DPYSL2: variants seen among roughly 807,000 people sequenced by gnomAD.
The protein encoded by DPYSL2 is dihydropyrimidinase-related protein 2.
A neutral mutation model predicts 69.9 loss-of-function variants in DPYSL2; 13 were observed. That is an observed-to-expected ratio of 0.19 (90% CI 0.12 to 0.30). DPYSL2 has a LOEUF of 0.30. Among genes scored for constraint, DPYSL2 ranks in the 10% least tolerant of loss-of-function variants. DPYSL2 has a pLI of 1.00. For missense variants in DPYSL2, 587 were observed against 918.9 expected (o/e 0.64, Z 4.67); for synonymous variants, 326 against 359.1 (o/e 0.91, Z 1.04).
In DPYSL2 at chr8:26,627,164, A is replaced by G; in HGVS notation, c.856-51A>G. On this transcript the variant is annotated intron_variant, in intron 5 of 13. Transcript: ENST00000521913. This position sits in a 1 kb window ranked among gnomAD's most constrained non-coding sequence, Gnocchi z 6.9. ...GGTGGGGAGATGATTGTCTTTGTGA[A>G]CAGGAAGATGGAAGTCCCTGTCTCT... 1 of 1,546,328 alleles carries G rather than the reference A, an allele frequency of 6.5e-7. No individual in the cohort carries two copies.
In DPYSL2 at chr8:26,641,732, G is replaced by A. The variant is rs1439093658; in HGVS notation, c.1127-1707G>A. Reference sequence around the variant, plus strand: ...TCCTTGGGGCTTCCTTCTGGAGGAGGTTTCCCTGGGTTTGGAGTCCTCCCT... The same window carrying A: ...TCCTTGGGGCTTCCTTCTGGAGGAGATTTCCCTGGGTTTGGAGTCCTCCCT... On this transcript the variant is annotated intron_variant, in intron 8 of 13. Coordinates refer to ENST00000521913, the MANE Select transcript of DPYSL2 (RefSeq NM_001197293.3). This position sits in a 1 kb window ranked among gnomAD's most constrained non-coding sequence, Gnocchi z 4.1. Among the ~76,000 whole-genome samples the A allele has an allele frequency of 6.6e-6, 1 of 152,206 alleles. No homozygotes were observed. The highest frequency in any genetic ancestry group is 1.5e-5 in the Non-Finnish European group (1 of 68,044).
intron 7 of DPYSL2, among the ~76,000 whole-genome samples, chr8:26,630,222 G>A (rs541377230): frequency 2.6e-5 from 4 of 152,176 alleles, no homozygotes; most frequent in East Asian, 3.9e-4. Context: ...TGCAGACACC[G>A]CAAGGGTTCG....
At chr8:26,519,836 G>A (rs1480509474) in intron 1 of DPYSL2, among the ~76,000 whole-genome samples, 1 of 152,160 alleles carries the variant, frequency 6.6e-6, no homozygotes, top group Admixed American at 6.5e-5. Context: ...TGTAGGTCAT[G>A]TGCTAAATGC....
At chr8:26,595,238 G>A (rs904657012) in intron 3 of DPYSL2, among the ~76,000 whole-genome samples, 3 of 151,774 alleles carry the variant, frequency 2.0e-5, no homozygotes, top group South Asian at 4.2e-4. Context: ...AAGGTATAAT[G>A]TAGCTTATAG....
intron 1 of DPYSL2, among the ~76,000 whole-genome samples, chr8:26,551,510 T>C (rs1003233433): frequency 6.6e-6 from 1 of 152,178 alleles, no homozygotes; most frequent in Non-Finnish European, 1.5e-5. Context: ...CACCCCTCTG[T>C]CAGTAACTGA....
intron 3 of DPYSL2, among the ~76,000 whole-genome samples, chr8:26,616,702 G>A (rs780159327): frequency 1.2e-4 from 18 of 152,208 alleles, no homozygotes; most frequent in South Asian, 2.1e-4. Flanking sequence ...TACCCGAGGC[G>A]GGGTCGGAGG....
At position 26,516,092 on chromosome 8, in the gene DPYSL2, C is replaced by T. The variant is rs970556255; in HGVS notation, c.354+1413C>T. Among the ~76,000 whole-genome samples, 1 of 152,220 alleles carries T rather than the reference C, an allele frequency of 6.6e-6. No individual in the cohort carries two copies. Among genetic ancestry groups the T allele is most frequent in the Non-Finnish European group, 1.5e-5 (1 of 68,036 alleles). On this transcript the variant is annotated intron_variant, in intron 1 of 13. Coordinates refer to ENST00000521913, the MANE Select transcript of DPYSL2 (RefSeq NM_001197293.3). The surrounding 1 kb of genome is among the most constrained non-coding windows in gnomAD (Gnocchi z 4.8). ...AAGTCTAGGAAAAACAAGGCATTTG[C>T]TGTCATTTGTAAAAGGTGACACAAC...
chr8:26,598,934 C>T lies in DPYSL2; in HGVS notation c.628+14951C>T, dbSNP rs1801928784. Among the ~76,000 whole-genome samples, 1 of 152,230 alleles carries T rather than the reference C, an allele frequency of 6.6e-6. No homozygotes were observed. Among genetic ancestry groups the T allele is most frequent in the African/African-American group, 2.4e-5 (1 of 41,462 alleles). Reference sequence around the variant, plus strand: ...TGCGTATTCTTAGCTGCGCAAGTGTCGTGCATGTGCGTTTGGCTCACACCC... The same window carrying T: ...TGCGTATTCTTAGCTGCGCAAGTGTTGTGCATGTGCGTTTGGCTCACACCC... On this transcript the variant is annotated intron_variant, in intron 3 of 13. Transcript: ENST00000521913. This position sits in a 1 kb window ranked among gnomAD's most constrained non-coding sequence, Gnocchi z 4.2.
At chr8:26,545,257 T>C (rs1800747456) in intron 1 of DPYSL2, among the ~76,000 whole-genome samples, 1 of 152,302 alleles carries the variant, frequency 6.6e-6, no homozygotes, top group South Asian at 2.1e-4. Flanking sequence ...GATCACATAT[T>C]AGGCCACAAA....
At chr8:26,631,407 C>G (rs1371350520) in intron 7 of DPYSL2, among the ~76,000 whole-genome samples, 2 of 152,150 alleles carry the variant, frequency 1.3e-5, no homozygotes, top group Non-Finnish European at 2.9e-5. Context: ...TGAGAACTCA[C>G]TCATTATCAC....
chr8:26,556,987 TC>T (rs1800998546), intron 1 of DPYSL2, among the ~76,000 whole-genome samples: 1 of 152,120 alleles, frequency 6.6e-6, no homozygotes, highest in Non-Finnish European at 1.5e-5. Flanking sequence ...TACAGCCTTT[TC>T]AACAAATGAT....
chr8:26,645,020 AT>A (rs1396934126), intron 10 of DPYSL2, among the ~76,000 whole-genome samples: 1 of 152,194 alleles, frequency 6.6e-6, no homozygotes, highest in Admixed American at 6.5e-5. Flanking sequence ...CACAATTAAC[AT>A]TTTGGCAAAT....
In DPYSL2 at chr8:26,562,592, A is replaced by C. The variant is rs1045749542; in HGVS notation, c.355-19377A>C. ...CGTTTTAAAGACAGAATAAAATCCG[A>C]ATCTGTTTCCATGGCCCACAGTCCT... On this transcript the variant is annotated intron_variant, in intron 1 of 13. Transcript: ENST00000521913. This position sits in a 1 kb window ranked among gnomAD's most constrained non-coding sequence, Gnocchi z 4.9. 3.3e-5 allele frequency among the ~76,000 whole-genome samples: 5 copies of C among 152,176 alleles called. No individual in the cohort carries two copies. The highest frequency in any genetic ancestry group is 7.3e-5 in the Non-Finnish European group (5 of 68,030).
At position 26,514,647 on chromosome 8, in the gene DPYSL2, G is replaced by A; in HGVS notation, c.322G>A (p.Gly108Ser). ...GRKVEIRRAS[G>S]KEALQNINDQ... ...GAAGGTGGAGATCCGGAGGGCCTCG[G>A]GCAAAGAAGCCCTGCAGAACATCAA... Residue 108 changes from glycine (G) to serine (S), a missense_variant, in exon 1 of 14, where the codon GGC (glycine) becomes AGC (serine). Physicochemically the swap from Gly to Ser is moderately conservative, Grantham distance 56 (BLOSUM62 0). Around this residue, in one of 3 missense-constraint regions of DPYSL2, gnomAD observed 85 missense variants for 77.7 expected, o/e 1.09. Coordinates refer to ENST00000521913, the MANE Select transcript of DPYSL2 (RefSeq NM_001197293.3). The surrounding 1 kb of genome is among the most constrained non-coding windows in gnomAD (Gnocchi z 8.4). 6.9e-7 allele frequency: 1 copy of A among 1,457,288 alleles called. No individual in the cohort carries two copies. Among genetic ancestry groups the A allele is most frequent in the Non-Finnish European group, 9.0e-7 (1 of 1,109,506 alleles). 90.3% of individuals were successfully genotyped at this position (1,457,288 alleles called of 1,614,324 possible).
In DPYSL2 at chr8:26,586,227, G is replaced by A. The variant is rs182913076; in HGVS notation, c.628+2244G>A. 1.4e-4 allele frequency among the ~76,000 whole-genome samples: 21 copies of A among 152,302 alleles called. No homozygotes were observed. The highest frequency in any genetic ancestry group is 1.9e-4 in the East Asian group (1 of 5,188). On this transcript the variant is annotated intron_variant, in intron 3 of 13. Transcript: ENST00000521913. The surrounding 1 kb of genome is among the most constrained non-coding windows in gnomAD (Gnocchi z 4.7). ...GGCCCCCTTCTGACACTGACTTGCC[G>A]TGTGACCTTGAGTCACTACCCTACT... is the stretch of plus-strand genomic sequence containing the variant.
chr8:26,636,900 C>T (rs942008454), intron 8 of DPYSL2, among the ~76,000 whole-genome samples: 1 of 152,144 alleles, frequency 6.6e-6, no homozygotes, highest in Non-Finnish European at 1.5e-5. Flanking sequence ...CCCCATCACA[C>T]CCATCTAATT....
In DPYSL2 at chr8:26,621,256, T is replaced by C. The variant is rs563035624; in HGVS notation, c.629-2887T>C. On this transcript the variant is annotated intron_variant, in intron 3 of 13. Transcript: ENST00000521913. This position sits in a 1 kb window ranked among gnomAD's most constrained non-coding sequence, Gnocchi z 4.9. The stretch of plus-strand genomic sequence containing the variant: ...TGGTAATGGGATTATTAACTTTCCC[T>C]AAAATTTTCTGTATTTTTGAAATTT... Among the ~76,000 whole-genome samples, 8 of 152,348 alleles carry C rather than the reference T, an allele frequency of 5.3e-5. No individual in the cohort carries two copies. Among genetic ancestry groups the C allele is most frequent in the Admixed American group, 5.2e-4 (8 of 15,304 alleles).
rs1437889213 is a variant in DPYSL2, at chr8:26,617,494, CAACAAAAGAAAAAG to C, written c.629-6648_629-6635del. Among the ~76,000 whole-genome samples the C allele has an allele frequency of 6.6e-6, 1 of 151,400 alleles. No homozygotes were observed. Among genetic ancestry groups the C allele is most frequent in the East Asian group, 1.9e-4 (1 of 5,184 alleles). ...TGGGTGCCAGAGCGAGACGCCTTCT[CAACAAAAGAAAAAG>C]GATAAAAGAAAAAAAAATTAAAAGT... On this transcript the variant is annotated intron_variant, in intron 3 of 13. Coordinates refer to ENST00000521913, the MANE Select transcript of DPYSL2 (RefSeq NM_001197293.3). The surrounding 1 kb of genome is among the most constrained non-coding windows in gnomAD (Gnocchi z 4.7).
rs973763001 is a variant in DPYSL2 at position 26,629,568 on chromosome 8, G to T, written c.1005+1628G>T. ...TATCAACCTTCTCATGCGTGCTAAA[G>T]GCTGAAAGGGTGGCCTGGCACAGGC... is the stretch of plus-strand genomic sequence containing the variant. On this transcript the variant is annotated intron_variant, in intron 7 of 13. Transcript: ENST00000521913. 1.2e-4 allele frequency among the ~76,000 whole-genome samples: 18 copies of T among 152,330 alleles called. No individual in the cohort carries two copies. The Middle Eastern group carries it at 0.01, about 86-fold the overall frequency.
Sources: allele counts gnomAD v4.1 joint callset (sites outside exome capture counted in the v4.1 genomes callset), GRCh38; gene constraint gnomAD v4.1.1; regional missense constraint gnomAD v4.1.1; non-coding constraint Gnocchi (gnomAD v3.1); transcripts MANE v1.5; gene names NCBI Gene and HGNC (gene_info 2026-07-23, HGNC 2026-07-21).